CFH: variants seen among roughly 807,000 people sequenced by gnomAD.
CFH encodes complement factor H.
A neutral mutation model predicts 147.3 loss-of-function variants in CFH; 53 were observed. That is an observed-to-expected ratio of 0.36 (90% confidence interval 0.29 to 0.45). The LOEUF (loss-of-function observed/expected upper bound fraction) is 0.45. Ranked by LOEUF, CFH falls within the 20% of genes least tolerant of loss-of-function variation. CFH has a pLI of 1.00. For synonymous variants in CFH, 536 were observed against 489.4 expected, an observed-to-expected ratio of 1.10 and a Z score of -1.26; for missense variants, 1,380 against 1,498.0, an observed-to-expected ratio of 0.92 and a Z score of 1.30.
intron 14 of CFH, 69 bp from the exon 15 acceptor site, chr1:196,728,271 TTATAAC>T: frequency 9.6e-7 from 1 of 1,044,330 alleles, no homozygotes; most frequent in Non-Finnish European, 1.3e-6. Context: ...ACTATTTACT[TTATAAC>T]TATTTTTATG....
intron 9 of CFH, chr1:196,690,455 T>C (rs1667986853): frequency 1.5e-6 from 1 of 653,044 alleles, no homozygotes; most frequent in African/African-American, 1.8e-5. Context: ...TTAATGGGCA[T>C]TAGTCAAGAA....
intron 7 of CFH, 57 bp downstream of exon 7, chr1:196,685,294 A>G: frequency 9.6e-6 from 15 of 1,555,064 alleles, no homozygotes; most frequent in Non-Finnish European, 1.2e-5. Context: ...TTTTAAACAC[A>G]TAAAAAATAG....
chr1:196,726,242 T>G, intron 12 of CFH, among the ~76,000 whole-genome samples: 1 of 152,194 alleles, frequency 6.6e-6, no homozygotes, highest in East Asian at 1.9e-4. Flanking sequence ...CTTGCATCTT[T>G]AAGATATCTA....
chr1:196,662,082 C>G (rs550538596), intron 1 of CFH, among the ~76,000 whole-genome samples: 7 of 152,232 alleles, frequency 4.6e-5, no homozygotes, highest in African/African-American at 1.7e-4. Flanking sequence ...TGTTTCAGAC[C>G]TTTCAAATGA....
chr1:196,726,216 T>A (rs1161876653), intron 12 of CFH, among the ~76,000 whole-genome samples: 1 of 152,156 alleles, frequency 6.6e-6, no homozygotes, highest in African/African-American at 2.4e-5. Context: ...CATAACCACA[T>A]TTGCTAATTG....
chr1:196,682,589 T>A (rs1025342836), intron 6 of CFH, among the ~76,000 whole-genome samples: 2 of 151,404 alleles, frequency 1.3e-5, no homozygotes, highest in Non-Finnish European at 3.0e-5. Flanking sequence ...TTGAGCTATA[T>A]CATAAGGAAA....
rs1666923577 is a variant in CFH at position 196,661,891 on chromosome 1, T to C, written c.58+9716T>C. ...TTAAAAAGAGGTTTTGTTTTGTTTG[T>C]TTTGTTTTGTTTTGTTTTTTAAATA... On this transcript the variant is annotated intron_variant, in intron 1 of 21. Transcript: ENST00000367429. 2.0e-5 allele frequency among the ~76,000 whole-genome samples: 3 copies of C among 152,020 alleles called. No homozygotes were observed. The South Asian group carries it at 6.2e-4, about 32-fold the overall frequency.
chr1:196,704,288 T>C (rs1042314907), intron 9 of CFH, among the ~76,000 whole-genome samples: 3 of 151,964 alleles, frequency 2.0e-5, no homozygotes, highest in Non-Finnish European at 2.9e-5. Flanking sequence ...AGAGACAGGG[T>C]TTCACCATGT....
At chr1:196,714,939 G>T (rs1188511961) in intron 10 of CFH, among the ~76,000 whole-genome samples, 1 of 151,238 alleles carries the variant, frequency 6.6e-6, no homozygotes, top group Non-Finnish European at 1.5e-5. Flanking sequence ...AATCTCAAAT[G>T]ATCCTCCTGC....
intron 1 of CFH, among the ~76,000 whole-genome samples, chr1:196,672,041 T>G (rs1053125958): frequency 1.3e-5 from 2 of 152,038 alleles, no homozygotes; most frequent in African/African-American, 4.8e-5. Flanking sequence ...ATTTTCTTAT[T>G]GAGACTTTTT....
At chr1:196,730,344 G>C (rs1669253581) in intron 15 of CFH, among the ~76,000 whole-genome samples, 1 of 151,642 alleles carries the variant, frequency 6.6e-6, no homozygotes, top group Non-Finnish European at 1.5e-5. Flanking sequence ...CCCTATGATT[G>C]TTTCAGAGCA....
intron 9 of CFH, among the ~76,000 whole-genome samples, chr1:196,692,203 C>T (rs181210314): frequency 6.6e-6 from 1 of 152,088 alleles, no homozygotes; most frequent in African/African-American, 2.4e-5. Context: ...GATCTCGCCT[C>T]GCTGCAACCT....
At chr1:196,671,439 G>A (rs1227092915) in intron 1 of CFH, among the ~76,000 whole-genome samples, 1 of 151,538 alleles carries the variant, frequency 6.6e-6, no homozygotes, top group East Asian at 1.9e-4. Context: ...GCTCTTTCTT[G>A]AGCCACTCAA....
At chr1:196,678,092 T>C in intron 5 of CFH, 1 of 185,478 alleles carries the variant, frequency 5.4e-6, no homozygotes, top group Non-Finnish European at 1.2e-5. Flanking sequence ...CATTTGTTTT[T>C]ATTTTGAAAG....
intron 1 of CFH, among the ~76,000 whole-genome samples, chr1:196,660,085 G>A (rs916485291): frequency 6.6e-5 from 10 of 152,146 alleles, no homozygotes; most frequent in African/African-American, 2.4e-4. Context: ...AGAGACATTA[G>A]GTGGGCTTGG....
intron 5 of CFH, 22 bp from the exon 6 acceptor site, chr1:196,679,601 G>T: frequency 6.4e-7 from 1 of 1,556,038 alleles, no homozygotes; most frequent in South Asian, 1.1e-5. Context: ...AAACATTTTG[G>T]AATTTAATCC....
chr1:196,715,557 C>G lies in CFH; in HGVS notation c.1520-36C>G, dbSNP rs748489315. ...AATACTCAGATTGTTTATTAGATGA[C>G]ATTAGAAATGACATTCTAAATTTTT... On this transcript the variant is annotated intron_variant, in intron 10 of 21. Coordinates refer to ENST00000367429, the MANE Select transcript of CFH (RefSeq NM_000186.4). The G allele has an allele frequency of 1.2e-5, 17 of 1,475,674 alleles. No homozygotes were observed. The South Asian group carries it at 1.9e-4, about 17-fold the overall frequency. The allele number at this position is 1,475,674 out of a possible 1,614,324, so 91.4% of individuals were successfully genotyped here. A position where few individuals can be genotyped will look rare whatever the true frequency, so the allele number is the denominator to read the frequency against.
Position 196,713,893 on chromosome 1 carries a change from T to C in CFH, c.1495T>C (p.Trp499Arg), listed in dbSNP as rs1668782909. The change falls in exon 10 of 22, where the codon TGG becomes CGG. Residue 499 changes from tryptophan to arginine, a missense_variant. Trp to Arg is a moderately radical substitution (Grantham distance 101). Coordinates refer to ENST00000367429, the MANE Select transcript of CFH (RefSeq NM_000186.4). ...ATCAATTACATGTGGGAAAGATGGA[T>C]GGTCAGCTCAACCCACGTGCATTAG... The part of the protein sequence containing the change: ...SGSITCGKDG[W>R]SAQPTCIKSC... 6.2e-7 allele frequency: 1 copy of C among 1,612,502 alleles called. No individual in the cohort carries two copies. Among genetic ancestry groups the C allele is most frequent in the Non-Finnish European group, 8.5e-7 (1 of 1,179,084 alleles).
chr1:196,681,892 T>C (rs1667671096), intron 6 of CFH, among the ~76,000 whole-genome samples: 1 of 151,846 alleles, frequency 6.6e-6, no homozygotes, highest in African/African-American at 2.4e-5. Context: ...TGATATAAGA[T>C]GAATTCAAAA....
Sources: gnomAD v4.1 joint callset for allele counts (sites outside exome capture counted in the v4.1 genomes callset) on GRCh38, gnomAD v4.1.1 for gene constraint, MANE v1.5 for transcripts, NCBI Gene and HGNC (gene_info 2026-07-23, HGNC 2026-07-21) for gene names.